The following CPLX2 variants were observed in gnomAD, a reference collection of about 807,000 sequenced individuals.
CPLX2 encodes complexin 2.
CPLX2 carries 5 observed loss-of-function variants against 16.3 expected under a neutral mutation model. The ratio of observed to expected loss-of-function variants is 0.31; its 90% CI spans 0.16 to 0.64. The LOEUF (loss-of-function observed/expected upper bound fraction) is 0.64. CPLX2 is among the 30% of genes least tolerant of loss of function. The pLI is 0.79. For synonymous variants in CPLX2, 89 were observed against 73.2 expected (o/e 1.22, Z -1.10); for missense variants, 144 against 181.4 (o/e 0.79, Z 1.18).
intron 2 of CPLX2, among the ~76,000 whole-genome samples, chr5:175,835,038 G>C (rs1444685570): frequency 2.6e-5 from 4 of 152,208 alleles, no homozygotes; most frequent in Non-Finnish European, 5.9e-5. Flanking sequence ...ACATGGCAAA[G>C]AGAGGGAGCT....
intron 2 of CPLX2, among the ~76,000 whole-genome samples, chr5:175,835,012 C>T (rs907066247): frequency 1.3e-5 from 2 of 152,176 alleles, no homozygotes; most frequent in Non-Finnish European, 2.9e-5. Context: ...GGGGCAGGAC[C>T]ACAGGGTTGA....
chr5:175,857,907 T>A (rs1248194127), intron 2 of CPLX2, among the ~76,000 whole-genome samples: 2 of 152,202 alleles, frequency 1.3e-5, no homozygotes, highest in African/African-American at 4.8e-5. Context: ...AAGGTGCTGG[T>A]CTCTGCCAGA....
chr5:175,808,838 C>G (rs1192928312), intron 1 of CPLX2, among the ~76,000 whole-genome samples: 1 of 152,214 alleles, frequency 6.6e-6, no homozygotes, highest in African/African-American at 2.4e-5. Context: ...CCATCCCGCC[C>G]AGCCCTTTGC....
chr5:175,860,700 T>C (rs189855740), intron 2 of CPLX2, among the ~76,000 whole-genome samples: 1 of 152,044 alleles, frequency 6.6e-6, no homozygotes, highest in African/African-American at 2.4e-5. Flanking sequence ...TTGGCTTAGC[T>C]TGTGTCACTT....
chr5:175,801,596 C>T (rs1758097801), intron 1 of CPLX2, among the ~76,000 whole-genome samples: 3 of 152,158 alleles, frequency 2.0e-5, no homozygotes, highest in Admixed American at 2.0e-4. Flanking sequence ...GTTGTTTACC[C>T]TTGTGTGACT....
intron 2 of CPLX2, among the ~76,000 whole-genome samples, chr5:175,812,758 T>C (rs1491001684): frequency 2.0e-5 from 3 of 152,128 alleles, no homozygotes; most frequent in African/African-American, 7.2e-5. Context: ...CATTATGGGA[T>C]GGGTTTGGGG....
intron 2 of CPLX2, among the ~76,000 whole-genome samples, chr5:175,822,122 T>C (rs1332609175): frequency 2.6e-5 from 4 of 152,372 alleles, no homozygotes; most frequent in Non-Finnish European, 5.9e-5. Flanking sequence ...AGTTCTCTGA[T>C]TCTGACTCAC....
At chr5:175,878,421 G>T (rs1006673020) in intron 1 of CPLX2, 19 of 487,346 alleles carry the variant, frequency 3.9e-5, no homozygotes, top group African/African-American at 3.7e-4. Flanking sequence ...CAAGATGAAG[G>T]CTTTAAAATA....
intron 2 of CPLX2, among the ~76,000 whole-genome samples, chr5:175,865,704 C>T (rs946244503): frequency 2.8e-4 from 42 of 152,202 alleles, no homozygotes; most frequent in Non-Finnish European, 4.6e-4. Context: ...GGTCCAGGAT[C>T]TTATGATTCT....
At chr5:175,797,561 G>A (rs988936648) in intron 1 of CPLX2, among the ~76,000 whole-genome samples, 4 of 152,098 alleles carry the variant, frequency 2.6e-5, no homozygotes, top group African/African-American at 9.7e-5. Context: ...ACAGAAGCCC[G>A]CGGCTGGCAG....
chr5:175,858,530 G>A (rs1342273352), intron 2 of CPLX2, among the ~76,000 whole-genome samples: 1 of 152,224 alleles, frequency 6.6e-6, no homozygotes, highest in Non-Finnish European at 1.5e-5. Context: ...CAGCCCCCGG[G>A]GGCCAGTGTC....
chr5:175,873,960 G>A (rs548089474), intron 1 of CPLX2, among the ~76,000 whole-genome samples: 1 of 152,346 alleles, frequency 6.6e-6, no homozygotes, highest in East Asian at 1.9e-4. Flanking sequence ...TTCTCAGAAA[G>A]ATTATCTGTT....
intron 2 of CPLX2, among the ~76,000 whole-genome samples, chr5:175,863,330 T>G (rs1056429856): frequency 8.5e-5 from 13 of 152,154 alleles, no homozygotes; most frequent in Non-Finnish European, 1.5e-4. Context: ...AGGGTCAGCT[T>G]CTAGAAACCC....
At chr5:175,839,165 G>A (rs923117159) in intron 2 of CPLX2, among the ~76,000 whole-genome samples, 10 of 152,136 alleles carry the variant, frequency 6.6e-5, no homozygotes, top group Non-Finnish European at 1.3e-4. Flanking sequence ...TTGAGTAGCT[G>A]GGATTATAGG....
intron 2 of CPLX2, among the ~76,000 whole-genome samples, chr5:175,859,513 T>C (rs1375942672): frequency 1.3e-5 from 2 of 152,228 alleles, no homozygotes; most frequent in Non-Finnish European, 2.9e-5. Flanking sequence ...GGCACTGCTC[T>C]TGCAGGCAAA....
chr5:175,877,556 C>T (rs559561029), intron 1 of CPLX2, among the ~76,000 whole-genome samples: 2 of 152,196 alleles, frequency 1.3e-5, no homozygotes, highest in Non-Finnish European at 2.9e-5. Flanking sequence ...CATGAAGCTA[C>T]TTCACACTTT....
chr5:175,839,075 T>G (rs1303570162), intron 2 of CPLX2, among the ~76,000 whole-genome samples: 2 of 152,088 alleles, frequency 1.3e-5, no homozygotes, highest in Non-Finnish European at 2.9e-5. Context: ...TTTAAAAATG[T>G]TTTTAGAGAC....
intron 2 of CPLX2, among the ~76,000 whole-genome samples, chr5:175,820,059 G>A (rs1002989467): frequency 6.6e-6 from 1 of 152,210 alleles, no homozygotes; most frequent in Non-Finnish European, 1.5e-5. Context: ...GCCATCTGGA[G>A]GTGAGTGTCC....
intron 1 of CPLX2, among the ~76,000 whole-genome samples, chr5:175,801,087 G>A (rs1758086367): frequency 6.6e-6 from 1 of 150,996 alleles, no homozygotes; most frequent in African/African-American, 2.4e-5. Flanking sequence ...GGCCCTTCTA[G>A]GCCATGGTCA....
Sources: allele counts gnomAD v4.1 joint callset (sites outside exome capture counted in the v4.1 genomes callset), GRCh38; gene constraint gnomAD v4.1.1; transcripts MANE v1.5; gene names NCBI Gene and HGNC (gene_info 2026-07-23, HGNC 2026-07-21).